THADA: variants seen among roughly 807,000 people sequenced by gnomAD.
The protein encoded by THADA is tRNA (32-2'-O)-methyltransferase regulator THADA.
Under a neutral mutation model 219.8 loss-of-function variants are expected in THADA, and 213 were observed. That is an observed-to-expected ratio of 0.97 (90% CI 0.87 to 1.09). The LOEUF (loss-of-function observed/expected upper bound fraction) is 1.09, where lower values mean the gene tolerates loss of function less well. Among genes scored for constraint, THADA ranks in the 50% least tolerant of loss-of-function variants. The probability of loss-of-function intolerance (pLI) is 0.00; values close to 1 mark genes in which losing one functional copy is unlikely to be tolerated. For synonymous variants in THADA, 1,018 were observed against 828.9 expected, an observed-to-expected ratio of 1.23 and a Z score of -3.92; for missense variants, 2,956 against 2,311.3, an observed-to-expected ratio of 1.28 and a Z score of -5.72.
At chr2:43,581,564 G>GAAAAAAAAAAAAAAAAAAAAAAAAAAA (rs1184602109) in intron 8 of THADA, among the ~76,000 whole-genome samples, 177 bp downstream of exon 8, 1 of 117,668 alleles carries the variant, frequency 8.5e-6, no homozygotes, top group African/African-American at 3.2e-5. Flanking sequence ...AAAAAGAAAA[G>GAAAAAAAAAAAAAAAAAAAAAAAAAAA]AAAAAAAAAA....
chr2:43,576,980 T>C (rs1218507843), intron 10 of THADA, 42 bp downstream of exon 10: 1 of 1,553,594 alleles, frequency 6.4e-7, no homozygotes, highest in South Asian at 1.2e-5. Flanking sequence ...CTAAATGTCT[T>C]ACAAGTGAAA....
chr2:43,588,837 T>G (rs993694520), intron 4 of THADA, among the ~76,000 whole-genome samples: 1 of 152,050 alleles, frequency 6.6e-6, no homozygotes, highest in East Asian at 1.9e-4. Context: ...CTCAGAGAAA[T>G]ACACATATAT....
chr2:43,321,644 C>T (rs1197526465), intron 30 of THADA, among the ~76,000 whole-genome samples: 2 of 152,200 alleles, frequency 1.3e-5, no homozygotes, highest in African/African-American at 4.8e-5. Context: ...GGATGACCCT[C>T]ACCAGATGCC....
At chr2:43,279,685 C>A (rs1239327831) in intron 36 of THADA, 80 bp downstream of exon 36, 6 of 1,472,800 alleles carry the variant, frequency 4.1e-6, no homozygotes, top group Middle Eastern at 3.4e-4. Flanking sequence ...GCCTAAGATA[C>A]TATCTGGCTC....
intron 26 of THADA, among the ~76,000 whole-genome samples, chr2:43,467,935 A>G (rs1684453039): frequency 6.6e-6 from 1 of 152,250 alleles, no homozygotes. Context: ...ACTGGAAGAA[A>G]TCAAAAGACC....
rs548134383 is a variant in THADA, at chr2:43,441,293, T to C, written c.3837-10991A>G. Among the ~76,000 whole-genome samples, 153 of 152,290 alleles carry C rather than the reference T, an allele frequency of 1.0e-3. 1 individual carries two copies. The highest frequency in any genetic ancestry group is 3.5e-3 in the African/African-American group (145 of 41,566). On this transcript the variant is annotated intron_variant, in intron 26 of 37. Transcript: ENST00000405975. ...AACCCTATTTCTGGTTTAGTTCAGC[T>C]AAAAGGCCAGAGTTCTAATTTACTA...
chr2:43,433,522 C>G (rs1679660647), intron 26 of THADA, among the ~76,000 whole-genome samples: 2 of 151,814 alleles, frequency 1.3e-5, no homozygotes, highest in African/African-American at 4.8e-5. Flanking sequence ...GAGTGAGACT[C>G]CATCTCAGAA....
chr2:43,481,242 T>G (rs72865229), intron 26 of THADA, among the ~76,000 whole-genome samples: 177 of 152,304 alleles, frequency 1.2e-3, no homozygotes, highest in African/African-American at 4.1e-3. Flanking sequence ...TCTCTATCAC[T>G]TATACCCTGG....
intron 17 of THADA, among the ~76,000 whole-genome samples, chr2:43,554,041 G>A (rs1697061876): frequency 1.3e-5 from 2 of 152,088 alleles, no homozygotes; most frequent in East Asian, 3.9e-4. Context: ...CATAGGATTT[G>A]CAAATACCCC....
chr2:43,248,743 TCTC>T (rs927284953), intron 36 of THADA, among the ~76,000 whole-genome samples: 2 of 151,768 alleles, frequency 1.3e-5, no homozygotes, highest in African/African-American at 2.4e-5. Flanking sequence ...AGGACACAAA[TCTC>T]CTCCATATTT....
chr2:43,462,225 C>T (rs17030855), intron 26 of THADA, among the ~76,000 whole-genome samples: 1 of 152,108 alleles, frequency 6.6e-6, no homozygotes, highest in Non-Finnish European at 1.5e-5. Context: ...AAAACACCTG[C>T]TTTCCAAACC....
rs201094352 is a variant in THADA at position 43,344,251 on chromosome 2, G to GA, written c.4228-15dup. ...CAAATGAAAAACCTAAACCAAAAAA[G>GA]AAAAAAAAATCCTGCTGTGAAAATA... On this transcript the variant is annotated splice_polypyrimidine_tract_variant and intron_variant, in intron 29 of 37. Transcript: ENST00000405975. 3.5e-4 allele frequency: 526 copies of GA among 1,524,118 alleles called. No homozygotes were observed. Among genetic ancestry groups the GA allele is most frequent in the South Asian group, 4.2e-4 (34 of 81,504 alleles). The allele number at this position is 1,524,118 out of a possible 1,614,324, so 94.4% of individuals were successfully genotyped here.
intron 26 of THADA, among the ~76,000 whole-genome samples, chr2:43,449,575 C>T (rs1682047374): frequency 6.6e-6 from 1 of 151,928 alleles, no homozygotes; most frequent in South Asian, 2.1e-4. Context: ...AAAGAGAAGC[C>T]CGGGCAACAT....
At chr2:43,591,927 T>C in intron 3 of THADA, 25 bp downstream of exon 3, 1 of 1,440,040 alleles carries the variant, frequency 6.9e-7, no homozygotes, top group Non-Finnish European at 9.3e-7. Flanking sequence ...TAAAGATGCA[T>C]CCATGAATAT....
chr2:43,498,131 A>G (rs1214745987), intron 25 of THADA, among the ~76,000 whole-genome samples: 1 of 152,200 alleles, frequency 6.6e-6, no homozygotes. Flanking sequence ...AGCCAATAAC[A>G]TAAGGACAAA....
chr2:43,358,612 C>T (rs1267457455), intron 29 of THADA, among the ~76,000 whole-genome samples: 2 of 152,168 alleles, frequency 1.3e-5, no homozygotes, highest in Admixed American at 6.5e-5. Context: ...ATAAAATTTG[C>T]CTTGTAAAGA....
chr2:43,529,106 T>G (rs1375697324), intron 21 of THADA, among the ~76,000 whole-genome samples: 1 of 151,982 alleles, frequency 6.6e-6, no homozygotes, highest in Non-Finnish European at 1.5e-5. Flanking sequence ...CTTTCCTACA[T>G]GCTGTCTTTC....
chr2:43,452,923 A>C (rs927733896), intron 26 of THADA, among the ~76,000 whole-genome samples: 1 of 151,690 alleles, frequency 6.6e-6, no homozygotes, highest in African/African-American at 2.4e-5. Flanking sequence ...CCCTCCACCC[A>C]CCCCCAAAAA....
Position 43,398,088 on chromosome 2 carries a change from C to A in THADA, c.4110G>T (p.Leu1370Phe). The change falls in exon 29 of 38, where the codon TTG becomes TTT. Residue 1370 changes from leucine to phenylalanine, a missense_variant. By Grantham distance (22) the Leu-to-Phe change is conservative. Transcript: ENST00000405975. ...YHSREMAARALVPFVMIDHIP... is the reference protein window; with the variant it reads ...YHSREMAARAFVPFVMIDHIP... ...TGTGATCTATCATAACAAATGGGAC[C>A]AAGGCACGAGCTGCCATTTCACGGG... 6.2e-7 allele frequency: 1 copy of A among 1,613,946 alleles called. No homozygotes were observed. The highest frequency in any genetic ancestry group is 1.3e-5 in the African/African-American group (1 of 75,052).
Sources: gnomAD v4.1 joint callset for allele counts (sites outside exome capture counted in the v4.1 genomes callset) on GRCh38, gnomAD v4.1.1 for gene constraint, MANE v1.5 for transcripts, NCBI Gene and HGNC (gene_info 2026-07-23, HGNC 2026-07-21) for gene names.